CADM1: variants seen among roughly 807,000 people sequenced by gnomAD.
The protein encoded by CADM1 is TSLC-1.
A neutral mutation model predicts 53.1 loss-of-function variants in CADM1; 15 were observed. The observed-to-expected ratio is 0.28, with a 90% confidence interval of 0.19 to 0.44. CADM1 has a LOEUF of 0.44. Ranked by LOEUF, CADM1 falls within the 20% of genes least tolerant of loss-of-function variation. CADM1 has a pLI of 1.00. For synonymous variants in CADM1, 281 were observed against 243.0 expected (o/e 1.16, Z -1.45); for missense variants, 434 against 611.3 (o/e 0.71, Z 3.06).
At chr11:115,279,027 T>C (rs1943518847) in intron 1 of CADM1, among the ~76,000 whole-genome samples, 1 of 152,102 alleles carries the variant, frequency 6.6e-6, no homozygotes, top group East Asian at 1.9e-4. Flanking sequence ...ATTTTCCAAG[T>C]GAGCTCAAGG....
chr11:115,337,329 T>C (rs1945293321), intron 1 of CADM1, among the ~76,000 whole-genome samples: 2 of 152,058 alleles, frequency 1.3e-5, no homozygotes, highest in Admixed American at 6.6e-5. Flanking sequence ...ACAGAATTTC[T>C]TTCTTTCCAC....
chr11:115,224,524 G>A lies in CADM1; in HGVS notation c.721+4589C>T, dbSNP rs192385930. On this transcript the variant is annotated intron_variant, in intron 5 of 11. Coordinates refer to ENST00000331581, the MANE Select transcript of CADM1 (RefSeq NM_001301043.2). ...AGTTTTCTTTCTTTTTTTAAAATAT[G>A]CACAAACACAAAACCCTCAAAAAAT... Among the ~76,000 whole-genome samples, 884 of 151,866 alleles carry A rather than the reference G, an allele frequency of 5.8e-3. 6 individuals are homozygous for A. The highest frequency in any genetic ancestry group is 0.019 in the African/African-American group (778 of 41,392).
rs146198892 is a variant in CADM1, at chr11:115,302,815, T to C, written c.125-62395A>G. Reference sequence around the variant, plus strand: ...CAAAGGGTGATGCACTGGGTCACCATTGGTGACCCAACGGTGGCAGCATTG... The same window carrying C: ...CAAAGGGTGATGCACTGGGTCACCACTGGTGACCCAACGGTGGCAGCATTG... On this transcript the variant is annotated intron_variant, in intron 1 of 11. Coordinates refer to ENST00000331581, the MANE Select transcript of CADM1 (RefSeq NM_001301043.2). Among the ~76,000 whole-genome samples, 14 of 152,116 alleles carry C rather than the reference T, an allele frequency of 9.2e-5. No individual in the cohort carries two copies. In the East Asian group the frequency reaches 2.3e-3, roughly 25 times the overall value.
intron 5 of CADM1, among the ~76,000 whole-genome samples, chr11:115,221,275 A>G (rs1411479681): frequency 2.0e-5 from 3 of 152,226 alleles, no homozygotes; most frequent in Admixed American, 1.3e-4. Context: ...TCAACAGCCA[A>G]TCAATTAGGT....
intron 1 of CADM1, among the ~76,000 whole-genome samples, chr11:115,338,026 G>A (rs1945313088): frequency 6.6e-6 from 1 of 152,036 alleles, no homozygotes; most frequent in Non-Finnish European, 1.5e-5. Context: ...GTAAAATACT[G>A]GTCAGGAAGA....
intron 1 of CADM1, among the ~76,000 whole-genome samples, chr11:115,466,703 G>T (rs1948905648): frequency 6.6e-6 from 1 of 152,154 alleles, no homozygotes; most frequent in Admixed American, 6.5e-5. Flanking sequence ...TTTCAATTAG[G>T]ATCTCGAGTT....
chr11:115,284,913 A>T (rs1003909539), intron 1 of CADM1, among the ~76,000 whole-genome samples: 4 of 152,216 alleles, frequency 2.6e-5, no homozygotes, highest in African/African-American at 9.6e-5. Context: ...TTTACTTCCT[A>T]GTTAAATGGA....
intron 1 of CADM1, among the ~76,000 whole-genome samples, chr11:115,482,603 T>C (rs746381133): frequency 4.6e-5 from 7 of 152,212 alleles, no homozygotes; most frequent in Non-Finnish European, 7.3e-5. Flanking sequence ...TCATTTGTCA[T>C]TGGAAGTAGA....
rs553830882 is a variant in CADM1, at chr11:115,367,184, C to A, written c.125-126764G>T. The stretch of plus-strand genomic sequence containing the variant: ...AGCTATGATTGCGCCTGTGAATAGC[C>A]ACCGCACTTCAGTCTGGGCCTCATA... On this transcript the variant is annotated intron_variant, in intron 1 of 11. Transcript: ENST00000331581. Among the ~76,000 whole-genome samples, 3 of 152,288 alleles carry A rather than the reference C, an allele frequency of 2.0e-5. No homozygotes were observed. In the East Asian group the frequency reaches 5.8e-4, roughly 29 times the overall value.
At chr11:115,496,427 T>C (rs1386653040) in intron 1 of CADM1, among the ~76,000 whole-genome samples, 1 of 152,112 alleles carries the variant, frequency 6.6e-6, no homozygotes, top group Non-Finnish European at 1.5e-5. Context: ...ACCACTTTCT[T>C]CCTCAGTTTC....
chr11:115,318,139 C>G (rs1006438389), intron 1 of CADM1, among the ~76,000 whole-genome samples: 1 of 152,114 alleles, frequency 6.6e-6, no homozygotes, highest in Non-Finnish European at 1.5e-5. Context: ...TAATGAGTCT[C>G]TATATCTAAA....
chr11:115,292,790 A>G (rs779735938), intron 1 of CADM1, among the ~76,000 whole-genome samples: 79 of 152,242 alleles, frequency 5.2e-4, no homozygotes, highest in Non-Finnish European at 1.0e-3. Flanking sequence ...ATCCTATCAA[A>G]GCTTGGCAAC....
At chr11:115,432,499 C>A (rs1459180120) in intron 1 of CADM1, among the ~76,000 whole-genome samples, 1 of 152,210 alleles carries the variant, frequency 6.6e-6, no homozygotes, top group Non-Finnish European at 1.5e-5. Context: ...ATCTCAGCAT[C>A]TAGCCTACAG....
intron 1 of CADM1, among the ~76,000 whole-genome samples, chr11:115,269,569 C>T (rs1943242145): frequency 6.6e-6 from 1 of 152,162 alleles, no homozygotes; most frequent in Non-Finnish European, 1.5e-5. Context: ...GGCCTCCAAA[C>T]AGCAGGTGAT....
chr11:115,487,462 ACT>A (rs2135420739), intron 1 of CADM1, among the ~76,000 whole-genome samples: 1 of 152,204 alleles, frequency 6.6e-6, no homozygotes, highest in Non-Finnish European at 1.5e-5. Context: ...TTAAAACATA[ACT>A]CTATGCACTC....
intron 1 of CADM1, among the ~76,000 whole-genome samples, chr11:115,502,475 A>T (rs1446296143): frequency 6.6e-6 from 1 of 151,742 alleles, no homozygotes; most frequent in Non-Finnish European, 1.5e-5. Context: ...GATCTCTTTC[A>T]GGAACATTTT....
chr11:115,383,842 T>G (rs1471257342), intron 1 of CADM1, among the ~76,000 whole-genome samples: 1 of 152,196 alleles, frequency 6.6e-6, no homozygotes, highest in African/African-American at 2.4e-5. Context: ...TGCATCTGAA[T>G]TTTTAAGTTA....
chr11:115,235,549 T>C lies in CADM1; in HGVS notation c.424+2951A>G, dbSNP rs536297972. Among the ~76,000 whole-genome samples the C allele has an allele frequency of 6.6e-5, 10 of 152,288 alleles. 1 individual carries two copies. The highest frequency in any genetic ancestry group is 2.4e-4 in the African/African-American group (10 of 41,578). ...AGAGGGAAATACTAGAAAACAGTAA[T>C]GAAATGTCAAGGTTCTTCTCAGCTA... is the stretch of plus-strand genomic sequence containing the variant. On this transcript the variant is annotated intron_variant, in intron 3 of 11. Coordinates refer to ENST00000331581, the MANE Select transcript of CADM1 (RefSeq NM_001301043.2).
chr11:115,500,750 T>C (rs1949710518), intron 1 of CADM1, among the ~76,000 whole-genome samples: 1 of 152,188 alleles, frequency 6.6e-6, no homozygotes, highest in African/African-American at 2.4e-5. Flanking sequence ...GTAGCTAGCA[T>C]TGTCTTCTGT....
Sources: allele counts gnomAD v4.1 joint callset (sites outside exome capture counted in the v4.1 genomes callset), GRCh38; gene constraint gnomAD v4.1.1; transcripts MANE v1.5; gene names NCBI Gene and HGNC (gene_info 2026-07-23, HGNC 2026-07-21).